Variants in SASH1 observed in about 807,000 individuals in gnomAD.
The protein encoded by SASH1 is SAM and SH3 domain-containing protein 1.
In SASH1, 44 loss-of-function variants were observed where a neutral mutation model predicts 125.2. The observed-to-expected ratio is 0.35, with a 90% CI of 0.28 to 0.45. SASH1 has a LOEUF of 0.45. SASH1 is among the 20% of genes least tolerant of loss of function. The pLI, the probability that SASH1 is intolerant of heterozygous loss-of-function variation, is 1.00. For missense variants in SASH1, 1,426 were observed against 1,614.5 expected, an observed-to-expected ratio of 0.88 and a Z score of 2.00; for synonymous variants, 639 against 649.1, an observed-to-expected ratio of 0.98 and a Z score of 0.24.
At chr6:148,488,100 C>T (rs1223859481) in intron 8 of SASH1, among the ~76,000 whole-genome samples, 3 of 152,158 alleles carry the variant, frequency 2.0e-5, no homozygotes, top group African/African-American at 7.2e-5. Flanking sequence ...AACCGAAACT[C>T]TGTTCCAATT....
In SASH1 at chr6:148,432,752, G is replaced by A. The variant is rs543875755; in HGVS notation, c.286-7432G>A. ...TTGGCAGCATTAAGGGAGGAGGAAC[G>A]TGTGGATTTCCACAGGAAGGTGGAG... On this transcript the variant is annotated intron_variant, in intron 2 of 19. Coordinates refer to ENST00000367467, the MANE Select transcript of SASH1 (RefSeq NM_015278.5). Among the ~76,000 whole-genome samples, 69 of 152,372 alleles carry A rather than the reference G, an allele frequency of 4.5e-4. 2 individuals carry two copies. The South Asian group carries it at 0.011, about 25-fold the overall frequency.
At chr6:148,345,685 C>T (rs1186404887) in intron 1 of SASH1, among the ~76,000 whole-genome samples, 1 of 152,184 alleles carries the variant, frequency 6.6e-6, no homozygotes, top group Admixed American at 6.5e-5. Flanking sequence ...ACTTTATTCT[C>T]ACTGAAACAA....
At chr6:148,381,617 C>CTTTTTTTTTTTTTTTTTTTTTTT (rs201145545) in intron 1 of SASH1, among the ~76,000 whole-genome samples, 1 of 77,896 alleles carries the variant, frequency 1.3e-5, no homozygotes. Flanking sequence ...TTCTTGCTTT[C>CTTTTTTTTTTTTTTTTTTTTTTT]TTTTTTTTTT....
chr6:148,296,540 A>G (rs1779770472), intron 1 of SASH1, among the ~76,000 whole-genome samples: 2 of 152,224 alleles, frequency 1.3e-5, no homozygotes. Context: ...ATGTAACTCT[A>G]TGGGATTCAT....
At chr6:148,513,656 G>A (rs1050145502) in intron 8 of SASH1, 2 of 985,758 alleles carry the variant, frequency 2.0e-6, no homozygotes, top group Non-Finnish European at 2.4e-6. Flanking sequence ...AATATGGACT[G>A]TACTGTATGG....
upstream of SASH1, among the ~76,000 whole-genome samples, chr6:148,339,621 T>C (rs977337103): frequency 4.4e-4 from 67 of 152,140 alleles, 1 homozygote; most frequent in South Asian, 2.1e-4. Context: ...AGTGGCTCAC[T>C]GCAACCTCCA....
intron 1 of SASH1, among the ~76,000 whole-genome samples, chr6:148,328,745 A>AT (rs936738154): frequency 1.4e-4 from 21 of 152,172 alleles, no homozygotes; most frequent in African/African-American, 5.1e-4. Flanking sequence ...AAGTAGATTT[A>AT]TTTTTTGATT....
intron 1 of SASH1, among the ~76,000 whole-genome samples, chr6:148,300,442 A>ATTTTT (rs34126353): frequency 2.7e-4 from 29 of 108,324 alleles, no homozygotes; most frequent in African/African-American, 7.7e-4. Flanking sequence ...CAGAAACAAG[A>ATTTTT]TTTTTTTTTT....
At position 148,304,209 on chromosome 6, in the gene SASH1, C is replaced by T. The variant is rs547218015; in HGVS notation, n.74+31832C>T. On this transcript the variant is annotated intron_variant and non_coding_transcript_variant, in intron 1 of 3. Coordinates refer to the SASH1 transcript ENST00000367469. ...ATCCCAGCACTTTGGGAGGCCGAGG[C>T]GGGCGGATCACGAGGTCAGAAGATC... Among the ~76,000 whole-genome samples, 130 of 151,610 alleles carry T rather than the reference C, an allele frequency of 8.6e-4. 1 individual carries two copies. The highest frequency in any genetic ancestry group is 3.0e-3 in the African/African-American group (124 of 41,310).
chr6:148,460,981 C>T (rs893165501), intron 4 of SASH1, among the ~76,000 whole-genome samples: 2 of 152,188 alleles, frequency 1.3e-5, no homozygotes, highest in Non-Finnish European at 2.9e-5. Flanking sequence ...AACAGCGAGT[C>T]TGCTGGAGAA....
chr6:148,510,894 G>A (rs1169482205), intron 8 of SASH1, among the ~76,000 whole-genome samples: 1 of 151,748 alleles, frequency 6.6e-6, no homozygotes, highest in Non-Finnish European at 1.5e-5. Context: ...TACTCGGGAG[G>A]CTGAGGCTGG....
chr6:148,487,132 T>C lies in SASH1; in HGVS notation c.628-482T>C, dbSNP rs146454275. ...ACACACATATATATATATATATATG[T>C]GTATGTTTCAGGGTTTGACCCCATT... On this transcript the variant is annotated intron_variant, in intron 7 of 19. Transcript: ENST00000367467. 5.3e-3 allele frequency among the ~76,000 whole-genome samples: 763 copies of C among 144,738 alleles called. 14 individuals carry two copies. The highest frequency in any genetic ancestry group is 0.02 in the African/African-American group (730 of 37,408). The allele number at this position is 144,738 out of a possible 152,430, so 95.0% of individuals were successfully genotyped here.
At chr6:148,255,173 C>A in the SASH1 span, among the ~76,000 whole-genome samples, 1 of 152,186 alleles carries the variant, frequency 6.6e-6, no homozygotes, top group South Asian at 2.1e-4. Flanking sequence ...ATACCACAGT[C>A]TGGGTGGCTT....
At position 148,544,271 on chromosome 6, in the gene SASH1, C is replaced by T; in HGVS notation, c.2801C>T (p.Ala934Val). Residue 934 changes from alanine (A) to valine (V), a missense_variant, in exon 18 of 20, where the codon GCT (alanine) becomes GTT (valine). By Grantham distance (64) the Ala-to-Val change is moderately conservative. This residue lies in a region of SASH1 where 634 missense variants were observed against 694.4 expected (regional missense o/e 0.91). Coordinates refer to ENST00000367467, the MANE Select transcript of SASH1 (RefSeq NM_015278.5). This position sits in a 1 kb window ranked among gnomAD's most constrained non-coding sequence, Gnocchi z 6.4. ...CAGTGTTTGCCCAGAAACTATGATG[C>T]TCAGCCTCCTGGAGCTAAACACGGT... ...PPQCLPRNYDAQPPGAKHGLA... is the reference protein window; with the variant it reads ...PPQCLPRNYDVQPPGAKHGLA... 6.2e-7 allele frequency: 1 copy of T among 1,614,186 alleles called. No homozygotes were observed. Among genetic ancestry groups the T allele is most frequent in the Admixed American group, 1.7e-5 (1 of 60,030 alleles).
chr6:148,460,443 C>G (rs1254882876), intron 4 of SASH1, among the ~76,000 whole-genome samples: 1 of 150,478 alleles, frequency 6.6e-6, no homozygotes, highest in Non-Finnish European at 1.5e-5. Flanking sequence ...CTCTTTGAAC[C>G]AGAATTAAAG....
At chr6:148,454,290 A>G (rs944951333) in intron 4 of SASH1, among the ~76,000 whole-genome samples, 2 of 152,188 alleles carry the variant, frequency 1.3e-5, no homozygotes, top group Admixed American at 6.5e-5. Context: ...CCAGAGGACC[A>G]ACAATAACAG....
intron 4 of SASH1, among the ~76,000 whole-genome samples, chr6:148,455,884 G>C (rs1379828459): frequency 6.6e-6 from 1 of 152,124 alleles, no homozygotes; most frequent in African/African-American, 2.4e-5. Context: ...CGAGAGGAAG[G>C]GCCCTCCATG....
chr6:148,442,462 A>G (rs750016902), intron 4 of SASH1, among the ~76,000 whole-genome samples: 38 of 152,074 alleles, frequency 2.5e-4, no homozygotes, highest in African/African-American at 7.5e-4. Context: ...TGTGCAGTGA[A>G]TGTTCATGTA....
the SASH1 span, among the ~76,000 whole-genome samples, chr6:148,257,720 T>C: frequency 6.8e-6 from 1 of 147,236 alleles, no homozygotes; most frequent in Non-Finnish European, 1.5e-5. Flanking sequence ...AAACTCCGCC[T>C]CCTGGGTTCA....
Sources: gnomAD v4.1 joint callset for allele counts (sites outside exome capture counted in the v4.1 genomes callset) on GRCh38, gnomAD v4.1.1 for gene constraint, gnomAD v4.1.1 regional missense constraint, Gnocchi (gnomAD v3.1) non-coding constraint, MANE v1.5 for transcripts, NCBI Gene and HGNC (gene_info 2026-07-23, HGNC 2026-07-21) for gene names.